ADGRA3: variants seen among roughly 807,000 people sequenced by gnomAD.
ADGRA3 encodes the protein G-protein coupled receptor 125.
Under a neutral mutation model 119.8 loss-of-function variants are expected in ADGRA3, and 56 were observed. That is an observed-to-expected ratio of 0.47 (90% CI 0.38 to 0.58). ADGRA3 has a LOEUF of 0.58. Ranked by LOEUF, ADGRA3 falls within the 20% of genes least tolerant of loss-of-function variation. The pLI is 0.00. For synonymous variants in ADGRA3, 607 were observed against 623.8 expected, an observed-to-expected ratio of 0.97 and a Z score of 0.40; for missense variants, 1,516 against 1,649.0, an observed-to-expected ratio of 0.92 and a Z score of 1.40.
At chr4:22,407,955 T>C (rs1391368820) in intron 14 of ADGRA3, among the ~76,000 whole-genome samples, 1 of 152,136 alleles carries the variant, frequency 6.6e-6, no homozygotes, top group Non-Finnish European at 1.5e-5. Flanking sequence ...CAGGGCATCC[T>C]GTGTGTAAGG....
chr4:22,437,592 A>G lies in ADGRA3; in HGVS notation c.1085+664T>C, dbSNP rs143982219. Reference sequence around the variant, plus strand: ...AAAGATGTCTTAAAGCACCTTTGAAAGTAAAGAGAGTTTAAGGTAAAAGCT... The same window carrying G: ...AAAGATGTCTTAAAGCACCTTTGAAGGTAAAGAGAGTTTAAGGTAAAAGCT... On this transcript the variant is annotated intron_variant, in intron 8 of 18. Transcript: ENST00000334304. Among the ~76,000 whole-genome samples the G allele has an allele frequency of 3.5e-3, 540 of 152,364 alleles. 4 individuals are homozygous for G. Among genetic ancestry groups the G allele is most frequent in the Non-Finnish European group, 5.6e-3 (378 of 68,034 alleles).
intron 1 of ADGRA3, among the ~76,000 whole-genome samples, chr4:22,499,149 C>T (rs1450147630): frequency 6.6e-6 from 1 of 152,192 alleles, no homozygotes; most frequent in Admixed American, 6.5e-5. Context: ...CTCACCCTTG[C>T]TATTATAATG....
chr4:22,397,475 C>T (rs539264509), intron 16 of ADGRA3, among the ~76,000 whole-genome samples: 2 of 152,212 alleles, frequency 1.3e-5, no homozygotes, highest in South Asian at 4.1e-4. Context: ...GCTTGTAGAG[C>T]TTGGAGTCCA....
intron 2 of ADGRA3, chr4:22,472,983 C>T (rs962504893): frequency 2.0e-5 from 3 of 152,078 alleles, no homozygotes; most frequent in East Asian, 1.9e-4. Flanking sequence ...AAAATGAGTG[C>T]TACCTGTAAC....
rs115867705 is a variant in ADGRA3 at position 22,400,134 on chromosome 4, C to T, written c.2481+1297G>A. Among the ~76,000 whole-genome samples the T allele has an allele frequency of 7.2e-3, 1,089 of 152,250 alleles. 8 individuals are homozygous for T. Among genetic ancestry groups the T allele is most frequent in the Non-Finnish European group, 0.013 (874 of 68,020 alleles). On this transcript the variant is annotated intron_variant, in intron 16 of 18. Transcript: ENST00000334304. ...CCTATTAATTCTAATAACTTGTGTA[C>T]ATAATCATATCATCCAACAACTCGA...
chr4:22,467,872 A>C (rs1717716265), intron 2 of ADGRA3, among the ~76,000 whole-genome samples: 1 of 152,176 alleles, frequency 6.6e-6, no homozygotes, highest in Non-Finnish European at 1.5e-5. Flanking sequence ...AAAGCACAAT[A>C]ATTGCTTAAA....
chr4:22,470,511 T>C lies in ADGRA3; in HGVS notation c.329+3261A>G, dbSNP rs1202363360. 3.3e-5 allele frequency among the ~76,000 whole-genome samples: 5 copies of C among 152,192 alleles called. No individual in the cohort carries two copies. The East Asian group carries it at 9.6e-4, about 29-fold the overall frequency. On this transcript the variant is annotated intron_variant, in intron 2 of 18. Coordinates refer to ENST00000334304, the MANE Select transcript of ADGRA3 (RefSeq NM_145290.4). ...ACAAAATCCTAACCTTTATTCTGTA[T>C]GACTTGGCTCCTATAATTTCAAGGC...
At chr4:22,450,705 A>T (rs1717004112) in intron 4 of ADGRA3, among the ~76,000 whole-genome samples, 1 of 152,130 alleles carries the variant, frequency 6.6e-6, no homozygotes, top group Non-Finnish European at 1.5e-5. Flanking sequence ...CAGATTTGGT[A>T]AAGGAAGGGG....
chr4:22,436,666 A>C, intron 8 of ADGRA3, 25 bp from the exon 9 acceptor site: 1 of 1,588,558 alleles, frequency 6.3e-7, no homozygotes, highest in Non-Finnish European at 8.6e-7. Context: ...AAAATAGTAC[A>C]AGAAAATCTA....
intron 10 of ADGRA3, among the ~76,000 whole-genome samples, chr4:22,433,111 T>G (rs541268337): frequency 5.3e-5 from 8 of 152,296 alleles, no homozygotes; most frequent in African/African-American, 1.2e-4. Context: ...ACACGCAATA[T>G]TATCACATTT....
intron 16 of ADGRA3, among the ~76,000 whole-genome samples, chr4:22,395,208 A>G (rs924897380): frequency 2.6e-5 from 4 of 152,184 alleles, no homozygotes; most frequent in Admixed American, 2.6e-4. Flanking sequence ...AAGTTGTAAA[A>G]TGGGTATAAA....
chr4:22,441,940 AT>A (rs1482229322), intron 7 of ADGRA3, among the ~76,000 whole-genome samples: 3 of 152,162 alleles, frequency 2.0e-5, no homozygotes, highest in African/African-American at 7.2e-5. Context: ...GTAATCTTTC[AT>A]AGCACCCCTG....
Position 22,399,512 on chromosome 4 carries a change from G to A in ADGRA3, c.2481+1919C>T, listed in dbSNP as rs183254977. Reference sequence around the variant, plus strand: ...AGAGTTGACTTTTTTTTTTAATGTGGCATGAGGCATTAAAGACCCAGTTTA... The same window carrying A: ...AGAGTTGACTTTTTTTTTTAATGTGACATGAGGCATTAAAGACCCAGTTTA... On this transcript the variant is annotated intron_variant, in intron 16 of 18. Coordinates refer to ENST00000334304, the MANE Select transcript of ADGRA3 (RefSeq NM_145290.4). Among the ~76,000 whole-genome samples, 34 of 51,762 alleles carry A rather than the reference G, an allele frequency of 6.6e-4. No homozygotes were observed. In the South Asian group the frequency reaches 7.2e-3, roughly 11 times the overall value. 34.0% of individuals were successfully genotyped at this position (51,762 alleles called of 152,430 possible). A position where few individuals can be genotyped will look rare whatever the true frequency, so the allele number is the denominator to read the frequency against.
At chr4:22,416,038 A>C (rs1246498207) in intron 12 of ADGRA3, among the ~76,000 whole-genome samples, 1 of 152,202 alleles carries the variant, frequency 6.6e-6, no homozygotes, top group East Asian at 1.9e-4. Context: ...CAGCCGTATC[A>C]ATAATGTTTA....
chr4:22,410,129 CTA>C (rs1715132324), intron 14 of ADGRA3, among the ~76,000 whole-genome samples: 1 of 150,608 alleles, frequency 6.6e-6, no homozygotes, highest in African/African-American at 2.5e-5. Flanking sequence ...AAAAGAATCA[CTA>C]GAAAAAGAAA....
intron 15 of ADGRA3, 133 bp from the exon 16 acceptor site, chr4:22,401,687 A>C: frequency 1.8e-6 from 1 of 544,088 alleles, no homozygotes; most frequent in Non-Finnish European, 3.2e-6. Flanking sequence ...ACAAACATAT[A>C]CTACCAGACA....
At chr4:22,513,216 T>C (rs1379179429) in intron 1 of ADGRA3, among the ~76,000 whole-genome samples, 1 of 151,154 alleles carries the variant, frequency 6.6e-6, no homozygotes, top group East Asian at 2.0e-4. Flanking sequence ...TGCCTTCTTG[T>C]CTCACTGCAA....
intron 4 of ADGRA3, among the ~76,000 whole-genome samples, chr4:22,448,585 T>A (rs1716911593): frequency 6.6e-6 from 1 of 152,152 alleles, no homozygotes; most frequent in South Asian, 2.1e-4. Context: ...ATTGGGCAGA[T>A]GCATTTCCAA....
At chr4:22,492,722 T>A (rs1314317197) in intron 1 of ADGRA3, among the ~76,000 whole-genome samples, 1 of 152,202 alleles carries the variant, frequency 6.6e-6, no homozygotes, top group African/African-American at 2.4e-5. Flanking sequence ...GATGGCTTTT[T>A]TCTAAATGAT....
Sources: gnomAD v4.1 joint callset for allele counts (sites outside exome capture counted in the v4.1 genomes callset) on GRCh38, gnomAD v4.1.1 for gene constraint, MANE v1.5 for transcripts, NCBI Gene and HGNC (gene_info 2026-07-23, HGNC 2026-07-21) for gene names.